The following ZNRF4 variants were observed in gnomAD, a reference collection of about 807,000 sequenced individuals.
ZNRF4 encodes the protein zinc and ring finger 4.
For synonymous variants in ZNRF4, 291 were observed against 285.9 expected, an observed-to-expected ratio of 1.02 and a Z score of -0.18; for missense variants, 569 against 609.4, an observed-to-expected ratio of 0.93 and a Z score of 0.70.
rs144624511 is a variant in ZNRF4 at position 5,455,532 on chromosome 19, G to C, written c.41G>C (p.Ser14Thr). The C allele has an allele frequency of 0.018, 28,514 of 1,612,572 alleles. 314 individuals carry two copies. The highest frequency in any genetic ancestry group is 0.02 in the Non-Finnish European group (23,718 of 1,179,822). ...CRPEHLMPRA[S>T]RVPVAASLPL... ...CCGGAGCACTTAATGCCTAGAGCCA[G>C]CAGGGTCCCAGTGGCCGCGTCACTG... The change falls in exon 1 of 1, where the codon AGC becomes ACC. Residue 14 changes from serine to threonine, a missense_variant. Ser to Thr is a moderately conservative substitution (Grantham distance 58). Transcript: ENST00000222033.
rs776678847 is a variant in ZNRF4 at position 5,456,388 on chromosome 19, C to T, written c.897C>T (p.Val299=). ...CGTCTACCTGCCAGAAGGCCCAGGT[C>T]CGCACCTTCACGTGGCACAACGACC... ...VKTSTCQKAQ[V]RTFTWHNDLC... Residue 299 remains valine, a synonymous_variant, in exon 1 of 1, where the codon GTC becomes GTT. Coordinates refer to ENST00000222033, the MANE Select transcript of ZNRF4 (RefSeq NM_181710.4). 1.9e-6 allele frequency: 3 copies of T among 1,613,408 alleles called. No homozygotes were observed. Among genetic ancestry groups the T allele is most frequent in the Non-Finnish European group, 2.5e-6 (3 of 1,180,042 alleles).
Position 5,455,419 on chromosome 19 carries a change from G to C in ZNRF4, c.-73G>C. On this transcript the variant is annotated 5_prime_UTR_variant, in exon 1 of 1. Coordinates refer to ENST00000222033, the MANE Select transcript of ZNRF4 (RefSeq NM_181710.4). The stretch of plus-strand genomic sequence containing the variant: ...GGCATCTAGAACCCTGGTGACTCCT[G>C]GTCTCCATGTCATCTGCCAGAAAGG... The C allele has an allele frequency of 2.1e-6, 3 of 1,448,854 alleles. No individual in the cohort carries two copies. The South Asian group carries it at 4.0e-5, about 19-fold the overall frequency. 89.7% of individuals were successfully genotyped at this position (1,448,854 alleles called of 1,614,324 possible).
chr19:5,455,855 G>C lies in ZNRF4; in HGVS notation c.364G>C (p.Val122Leu), dbSNP rs375118147. ...TGCGGATCTGCCGGCGCTGTTCGGCGTCCCCCTGGCCCCCGAGGGCATACG... is the reference window on the plus strand; with the variant it reads ...TGCGGATCTGCCGGCGCTGTTCGGCCTCCCCCTGGCCCCCGAGGGCATACG... ...DFADLPALFG[V>L]PLAPEGIRGY... Residue 122 changes from valine to leucine, a missense_variant, in exon 1 of 1, where the codon GTC becomes CTC. By Grantham distance (32) the Val-to-Leu change is conservative (BLOSUM62 1). Transcript: ENST00000222033. 6 of 1,603,772 alleles carry C rather than the reference G, an allele frequency of 3.7e-6. No individual in the cohort carries two copies. The highest frequency in any genetic ancestry group is 5.1e-6 in the Non-Finnish European group (6 of 1,179,798).
At position 5,456,392 on chromosome 19, in the gene ZNRF4, A is replaced by T; in HGVS notation, c.901A>T (p.Thr301Ser). ...TSTCQKAQVR[T>S]FTWHNDLCAI... is the part of the protein sequence containing the mutation. The stretch of plus-strand genomic sequence containing the variant: ...TACCTGCCAGAAGGCCCAGGTCCGC[A>T]CCTTCACGTGGCACAACGACCTGTG... The change falls in exon 1 of 1, where the codon ACC (threonine) becomes TCC (serine). Residue 301 changes from threonine (T) to serine (S), a missense_variant. Thr to Ser is a moderately conservative substitution (Grantham distance 58). Transcript: ENST00000222033. The T allele has an allele frequency of 6.2e-7, 1 of 1,613,382 alleles. No individual in the cohort carries two copies. Among genetic ancestry groups the T allele is most frequent in the Non-Finnish European group, 8.5e-7 (1 of 1,180,028 alleles).
chr19:5,456,196 G>A lies in ZNRF4; in HGVS notation c.705G>A (p.Leu235=). 1 of 1,609,512 alleles carries A rather than the reference G, an allele frequency of 6.2e-7. No homozygotes were observed. Among genetic ancestry groups the A allele is most frequent in the Non-Finnish European group, 8.5e-7 (1 of 1,179,910 alleles). Residue 235 remains leucine (L), a synonymous_variant, in exon 1 of 1, where the codon CTG becomes CTA. Coordinates refer to ENST00000222033, the MANE Select transcript of ZNRF4 (RefSeq NM_181710.4). ...ILGCNKSAHA[L]LLPDDPPCHD... ...GCTGCAACAAGTCGGCCCACGCGCT[G>A]CTCCTGCCCGACGACCCACCGTGCC...
chr19:5,456,452 C>CA lies in ZNRF4; in HGVS notation c.963dup (p.Leu322ThrfsTer16). On this transcript the variant is annotated frameshift_variant, in exon 1 of 1. Transcript: ENST00000222033. LOFTEE classifies it low-confidence loss of function (END_TRUNC). ...CCTGGATGAGTATGAGGAGGGCGACCAACTCAAGATCCTGCCCTGCTCCCA... is the reference window on the plus strand; with the variant it reads ...CCTGGATGAGTATGAGGAGGGCGACCAAACTCAAGATCCTGCCCTGCTCCCA... 1 of 1,613,970 alleles carries CA rather than the reference C, an allele frequency of 6.2e-7. No individual in the cohort carries two copies. The highest frequency in any genetic ancestry group is 1.1e-5 in the South Asian group (1 of 91,084).
At position 5,456,718 on chromosome 19, in the gene ZNRF4, C is replaced by G. The variant is rs753699620; in HGVS notation, c.1227C>G (p.Thr409=). 1.2e-6 allele frequency: 2 copies of G among 1,609,100 alleles called. No homozygotes were observed. Among genetic ancestry groups the G allele is most frequent in the Admixed American group, 1.7e-5 (1 of 59,758 alleles). The change falls in exon 1 of 1, where the codon ACC becomes ACG. Residue 409 remains threonine, a synonymous_variant. Transcript: ENST00000222033. ...GRASPHCHCS[T]TSLEAEYTTV... is the part of the protein sequence containing the mutation. ...CCAGTCCCCACTGCCACTGCAGCAC[C>G]ACGTCCCTGGAGGCAGAGTATACCA...
At position 5,456,826 on chromosome 19, in the gene ZNRF4, C is replaced by T. The variant is rs182951118; in HGVS notation, c.*45C>T. 3 of 1,478,512 alleles carry T rather than the reference C, an allele frequency of 2.0e-6. No individual in the cohort carries two copies. Among genetic ancestry groups the T allele is most frequent in the African/African-American group, 1.4e-5 (1 of 70,562 alleles). 91.6% of individuals were successfully genotyped at this position (1,478,512 alleles called of 1,614,324 possible). ...GGGTGCAATGAGGAATGTTTCTGGT[C>T]TGAAAAGAATAAAGTGGGTTTGAAA... On this transcript the variant is annotated 3_prime_UTR_variant, in exon 1 of 1. Coordinates refer to ENST00000222033, the MANE Select transcript of ZNRF4 (RefSeq NM_181710.4).
At position 5,456,081 on chromosome 19, in the gene ZNRF4, C is replaced by T. The variant is rs371148147; in HGVS notation, c.590C>T (p.Thr197Ile). ...NVHSDDLVSM[T>I]HVYEDLRGQI... ...CACTCCGACGACCTCGTGAGCATGA[C>T]CCACGTCTACGAGGACTTGAGGGGC... The change falls in exon 1 of 1, where the codon ACC becomes ATC. Residue 197 changes from threonine to isoleucine, a missense_variant. By Grantham distance (89) the Thr-to-Ile change is moderately conservative. Coordinates refer to ENST00000222033, the MANE Select transcript of ZNRF4 (RefSeq NM_181710.4). 16 of 1,605,646 alleles carry T rather than the reference C, an allele frequency of 1.0e-5. No homozygotes were observed. The African/African-American group carries it at 1.7e-4, about 17-fold the overall frequency.
rs1054571001 is a variant in ZNRF4, at chr19:5,456,112, C to A, written c.621C>A (p.Ile207=). 1.2e-6 allele frequency: 2 copies of A among 1,606,890 alleles called. No homozygotes were observed. The highest frequency in any genetic ancestry group is 1.3e-5 in the African/African-American group (1 of 74,940). Residue 207 remains isoleucine, a synonymous_variant, in exon 1 of 1, where the codon ATC becomes ATA. Coordinates refer to ENST00000222033, the MANE Select transcript of ZNRF4 (RefSeq NM_181710.4). The part of the protein sequence containing the change: ...THVYEDLRGQ[I]AIPSVFVSEA... ...TCTACGAGGACTTGAGGGGCCAGAT[C>A]GCCATCCCCTCAGTGTTCGTGAGCG... is the stretch of plus-strand genomic sequence containing the variant.
At position 5,456,330 on chromosome 19, in the gene ZNRF4, A is replaced by G. The variant is rs1192582931; in HGVS notation, c.839A>G (p.Gln280Arg). Residue 280 changes from glutamine to arginine, a missense_variant, in exon 1 of 1, where the codon CAG (glutamine) becomes CGG (arginine). Gln to Arg is a conservative substitution (Grantham distance 43). Coordinates refer to ENST00000222033, the MANE Select transcript of ZNRF4 (RefSeq NM_181710.4). ...FVLNHLWLWA[Q>R]ACCSHRRPVK... The stretch of plus-strand genomic sequence containing the variant: ...CTGAACCACCTGTGGCTCTGGGCCC[A>G]GGCCTGCTGCAGCCACAGACGGCCG... 5 of 1,613,624 alleles carry G rather than the reference A, an allele frequency of 3.1e-6. No homozygotes were observed. The highest frequency in any genetic ancestry group is 2.7e-5 in the African/African-American group (2 of 74,912).
At position 5,456,679 on chromosome 19, in the gene ZNRF4, G is replaced by A. The variant is rs1040739274; in HGVS notation, c.1188G>A (p.Glu396=). 3.1e-6 allele frequency: 5 copies of A among 1,613,412 alleles called. No homozygotes were observed. Among genetic ancestry groups the A allele is most frequent in the Non-Finnish European group, 4.2e-6 (5 of 1,179,606 alleles). The part of the protein sequence containing the change: ...IQVQLRSRRL[E]LLGRASPHCH... ...TCCAGCTACGCTCCCGGAGGCTGGA[G>A]CTGCTGGGCCGCGCCAGTCCCCACT... The change falls in exon 1 of 1, where the codon GAG becomes GAA. Residue 396 remains glutamate, a synonymous_variant. Transcript: ENST00000222033.
In ZNRF4 at chr19:5,456,099, T is replaced by C. The variant is rs373695172; in HGVS notation, c.608T>C (p.Leu203Ser). The change falls in exon 1 of 1, where the codon TTG (leucine) becomes TCG (serine). Residue 203 changes from leucine (L) to serine (S), a missense_variant. Physicochemically the swap from Leu to Ser is moderately radical, Grantham distance 145. Coordinates refer to ENST00000222033, the MANE Select transcript of ZNRF4 (RefSeq NM_181710.4). ...AGCATGACCCACGTCTACGAGGACT[T>C]GAGGGGCCAGATCGCCATCCCCTCA... ...LVSMTHVYEDLRGQIAIPSVF... is the reference protein window; with the variant it reads ...LVSMTHVYEDSRGQIAIPSVF... 51 of 1,606,598 alleles carry C rather than the reference T, an allele frequency of 3.2e-5. No homozygotes were observed. The highest frequency in any genetic ancestry group is 4.2e-5 in the Non-Finnish European group (49 of 1,179,882).
chr19:5,456,205 C>G lies in ZNRF4; in HGVS notation c.714C>G (p.Pro238=), dbSNP rs376523858. The G allele has an allele frequency of 1.2e-6, 2 of 1,610,062 alleles. No homozygotes were observed. Among genetic ancestry groups the G allele is most frequent in the African/African-American group, 2.7e-5 (2 of 74,876 alleles). ...CNKSAHALLL[P]DDPPCHDLGC... ...AGTCGGCCCACGCGCTGCTCCTGCCCGACGACCCACCGTGCCACGACCTGG... is the reference window on the plus strand; with the variant it reads ...AGTCGGCCCACGCGCTGCTCCTGCCGGACGACCCACCGTGCCACGACCTGG... Residue 238 remains proline (P), a synonymous_variant, in exon 1 of 1, where the codon CCC becomes CCG. Coordinates refer to ENST00000222033, the MANE Select transcript of ZNRF4 (RefSeq NM_181710.4).
chr19:5,456,583 C>T lies in ZNRF4; in HGVS notation c.1092C>T (p.Ser364=). 3.1e-6 allele frequency: 5 copies of T among 1,613,752 alleles called. No homozygotes were observed. The highest frequency in any genetic ancestry group is 1.1e-5 in the South Asian group (1 of 91,074). ...CCGCCACAGAAGACAGCTTTGACTCCACCACCTACAGCTTCAGGGACGAGG... is the reference window on the plus strand; with the variant it reads ...CCGCCACAGAAGACAGCTTTGACTCTACCACCTACAGCTTCAGGGACGAGG... The part of the protein sequence containing the change: ...SVAATEDSFD[S]TTYSFRDEDP... Residue 364 remains serine, a synonymous_variant, in exon 1 of 1, where the codon TCC becomes TCT. Coordinates refer to ENST00000222033, the MANE Select transcript of ZNRF4 (RefSeq NM_181710.4).
chr19:5,456,758 C>T lies in ZNRF4; in HGVS notation c.1267C>T (p.Pro423Ser), dbSNP rs2051621553. The T allele has an allele frequency of 6.4e-7, 1 of 1,566,504 alleles. No individual in the cohort carries two copies. Among genetic ancestry groups the T allele is most frequent in the Non-Finnish European group, 8.7e-7 (1 of 1,151,964 alleles). Residue 423 changes from proline to serine, a missense_variant, in exon 1 of 1, where the codon CCT becomes TCT. By Grantham distance (74) the Pro-to-Ser change is moderately conservative (BLOSUM62 -1). Transcript: ENST00000222033. ...EAEYTTVSSAPPEAPGQ is the reference protein window; with the variant it reads ...EAEYTTVSSASPEAPGQ ...AGAGTATACCACTGTCTCCTCAGCC[C>T]CTCCTGAGGCCCCTGGTCAGTAAAG...
Position 5,455,938 on chromosome 19 carries a change from A to G in ZNRF4, c.447A>G (p.Arg149=). The G allele has an allele frequency of 2.5e-6, 4 of 1,600,866 alleles. No homozygotes were observed. The highest frequency in any genetic ancestry group is 1.7e-4 in the Middle Eastern group (1 of 6,058). ...ANACHPIEAP[R]LGNRSLGAIV... is the part of the protein sequence containing the mutation. ...CGTGCCATCCCATCGAGGCCCCGCG[A>G]CTGGGCAACCGCTCTCTGGGCGCCA... The change falls in exon 1 of 1, where the codon CGA becomes CGG. Residue 149 remains arginine, a synonymous_variant. Coordinates refer to ENST00000222033, the MANE Select transcript of ZNRF4 (RefSeq NM_181710.4).
chr19:5,455,743 A>T lies in ZNRF4; in HGVS notation c.252A>T (p.Lys84Asn), dbSNP rs770332115. Residue 84 changes from lysine (K) to asparagine (N), a missense_variant, in exon 1 of 1, where the codon AAA (lysine) becomes AAT (asparagine). Coordinates refer to ENST00000222033, the MANE Select transcript of ZNRF4 (RefSeq NM_181710.4). ...PRPGRALVAV[K>N]ALLVLSLLQV... ...CGGGCCGAGCCCTCGTGGCAGTCAAAGCCTTGCTGGTCTTGTCGCTGCTCC... is the reference window on the plus strand; with the variant it reads ...CGGGCCGAGCCCTCGTGGCAGTCAATGCCTTGCTGGTCTTGTCGCTGCTCC... 1.7e-5 allele frequency: 28 copies of T among 1,605,308 alleles called. No individual in the cohort carries two copies. Among genetic ancestry groups the T allele is most frequent in the Non-Finnish European group, 2.3e-5 (27 of 1,179,840 alleles).
chr19:5,455,760 C>G lies in ZNRF4; in HGVS notation c.269C>G (p.Ser90Trp). The G allele has an allele frequency of 1.2e-6, 2 of 1,604,700 alleles. No individual in the cohort carries two copies. The highest frequency in any genetic ancestry group is 1.7e-6 in the Non-Finnish European group (2 of 1,179,844). ...GCAGTCAAAGCCTTGCTGGTCTTGT[C>G]GCTGCTCCAGGTGCCCGCGCAGGCA... The part of the protein sequence containing the change: ...LVAVKALLVL[S>W]LLQVPAQAVV... The change falls in exon 1 of 1, where the codon TCG (serine) becomes TGG (tryptophan). Residue 90 changes from serine (S) to tryptophan (W), a missense_variant. Physicochemically the swap from Ser to Trp is radical, Grantham distance 177. Transcript: ENST00000222033.
Sources: gnomAD v4.1 joint callset for allele counts on GRCh38, gnomAD v4.1.1 for gene constraint, MANE v1.5 for transcripts, NCBI Gene and HGNC (gene_info 2026-07-23, HGNC 2026-07-21) for gene names.